Variants in MFHAS1 observed in about 807,000 individuals in gnomAD.
MFHAS1 encodes the protein malignant fibrous histiocytoma-amplified sequence 1.
A neutral mutation model predicts 70.4 loss-of-function variants in MFHAS1; 50 were observed. The ratio of observed to expected loss-of-function variants is 0.71; its 90% CI spans 0.57 to 0.90. The LOEUF is 0.90. Ranked by LOEUF, MFHAS1 falls within the 40% of genes least tolerant of loss-of-function variation. MFHAS1 has a pLI of 0.00. For synonymous variants in MFHAS1, 952 were observed against 620.0 expected, an observed-to-expected ratio of 1.54 and a Z score of -7.96; for missense variants, 1,795 against 1,347.6, an observed-to-expected ratio of 1.33 and a Z score of -5.20.
intron 1 of MFHAS1, among the ~76,000 whole-genome samples, chr8:8,886,953 C>G (rs1252006117): frequency 1.3e-5 from 2 of 152,114 alleles, no homozygotes. Context: ...TGGCGAAACC[C>G]CCGCCTCTAC....
intron 1 of MFHAS1, among the ~76,000 whole-genome samples, chr8:8,832,059 C>T (rs1166501424): frequency 3.2e-5 from 3 of 92,852 alleles, no homozygotes; most frequent in South Asian, 3.1e-4. Flanking sequence ...CGCGCGCGCG[C>T]GCGCACACAC....
chr8:8,862,685 C>T (rs1341742513), intron 1 of MFHAS1, among the ~76,000 whole-genome samples: 1 of 152,132 alleles, frequency 6.6e-6, no homozygotes, highest in Non-Finnish European at 1.5e-5. Context: ...ACTCATAGAA[C>T]ACTAAGAGTG....
chr8:8,875,829 C>T (rs1216500097), intron 1 of MFHAS1, among the ~76,000 whole-genome samples: 4 of 152,120 alleles, frequency 2.6e-5, no homozygotes, highest in Non-Finnish European at 5.9e-5. Flanking sequence ...CCTCGTGATC[C>T]GCCCGCCTCG....
In MFHAS1 at chr8:8,834,643, A is replaced by G. The variant is rs75216613; in HGVS notation, c.2999-37152T>C. ...AGGTGCATAATAGGTTGTAACATGT[A>G]AGTTATGTGGGTCCACTCTATGATG... On this transcript the variant is annotated intron_variant, in intron 1 of 2. Coordinates refer to ENST00000276282, the MANE Select transcript of MFHAS1 (RefSeq NM_004225.3). Among the ~76,000 whole-genome samples, 3 of 152,344 alleles carry G rather than the reference A, an allele frequency of 2.0e-5. No individual in the cohort carries two copies. In the East Asian group the frequency reaches 5.8e-4, roughly 29 times the overall value.
At chr8:8,840,406 G>C (rs908537225) in intron 1 of MFHAS1, among the ~76,000 whole-genome samples, 1 of 148,602 alleles carries the variant, frequency 6.7e-6, no homozygotes, top group Non-Finnish European at 1.5e-5. Flanking sequence ...GCAGTGAGCC[G>C]AGATTGTGCC....
rs189034234 is a variant in MFHAS1, at chr8:8,792,490, C to G, written c.3125+4875G>C. 1.4e-3 allele frequency among the ~76,000 whole-genome samples: 212 copies of G among 152,120 alleles called. 1 individual carries two copies. The highest frequency in any genetic ancestry group is 5.0e-3 in the African/African-American group (208 of 41,494). ...GTGCAGTGGCGTGTGCCTATAATCC[C>G]AGCTACTCTGGAGGCTGAGGCAGAA... On this transcript the variant is annotated intron_variant, in intron 2 of 2. Transcript: ENST00000276282.
chr8:8,892,528 G>A lies in MFHAS1; in HGVS notation c.531C>T (p.Leu177=). The A allele has an allele frequency of 6.3e-7, 1 of 1,596,356 alleles. No individual in the cohort carries two copies. Among genetic ancestry groups the A allele is most frequent in the Non-Finnish European group, 8.5e-7 (1 of 1,171,778 alleles). The change falls in exon 1 of 3, where the codon CTC becomes CTT. Residue 177 remains leucine (L), a synonymous_variant. Coordinates refer to ENST00000276282, the MANE Select transcript of MFHAS1 (RefSeq NM_004225.3). This position sits in a 1 kb window ranked among gnomAD's most constrained non-coding sequence, Gnocchi z 4.7. ...GGGTGCGCAGGCGGGAGAGGCAGGA[G>A]AGGGAGTCAGGCAGGTGCGCCAGCC... ...FNRLAHLPDS[L]SCLSRLRTLD... is the part of the protein sequence containing the mutation.
At position 8,890,394 on chromosome 8, in the gene MFHAS1, T is replaced by C. The variant is rs747453500; in HGVS notation, c.2665A>G (p.Thr889Ala). 3.7e-6 allele frequency: 6 copies of C among 1,613,858 alleles called. No homozygotes were observed. The African/African-American group carries it at 5.3e-5, about 14-fold the overall frequency. ...QLQIEYSFPFTFPLGLFARYS... is the reference protein window; with the variant it reads ...QLQIEYSFPFAFPLGLFARYS... ...CGTGCAAACAACCCAAGTGGAAAAGTAAAAGGAAAGCTATATTCAATCTGC... is the reference window on the plus strand; with the variant it reads ...CGTGCAAACAACCCAAGTGGAAAAGCAAAAGGAAAGCTATATTCAATCTGC... Residue 889 changes from threonine to alanine, a missense_variant, in exon 1 of 3, where the codon ACT becomes GCT. Physicochemically the swap from Thr to Ala is moderately conservative, Grantham distance 58. Coordinates refer to ENST00000276282, the MANE Select transcript of MFHAS1 (RefSeq NM_004225.3).
chr8:8,804,780 G>A (rs896965252), intron 1 of MFHAS1, among the ~76,000 whole-genome samples: 7 of 152,190 alleles, frequency 4.6e-5, no homozygotes, highest in African/African-American at 1.4e-4. Flanking sequence ...CAGGGAAGCC[G>A]TGCCAGGCCC....
intron 1 of MFHAS1, among the ~76,000 whole-genome samples, chr8:8,885,514 C>T (rs1405520910): frequency 6.6e-6 from 1 of 152,104 alleles, no homozygotes; most frequent in African/African-American, 2.4e-5. Flanking sequence ...TTCAAGAGTA[C>T]CAACTCTTTG....
chr8:8,810,253 C>G (rs1474359225), intron 1 of MFHAS1, among the ~76,000 whole-genome samples: 4 of 152,206 alleles, frequency 2.6e-5, no homozygotes, highest in Non-Finnish European at 4.4e-5. Context: ...GTAATCTCAA[C>G]TACTCAGGAG....
Position 8,891,138 on chromosome 8 carries a change from T to G in MFHAS1, c.1921A>C (p.Lys641Gln). 1 of 1,613,716 alleles carries G rather than the reference T, an allele frequency of 6.2e-7. No homozygotes were observed. The highest frequency in any genetic ancestry group is 8.5e-7 in the Non-Finnish European group (1 of 1,180,000). ...CGGTGCTCAGCAACTGACAGCAACTTGTCCCGAAGGCGTCGTAAGTGGCGC... is the reference window on the plus strand; with the variant it reads ...CGGTGCTCAGCAACTGACAGCAACTGGTCCCGAAGGCGTCGTAAGTGGCGC... ...DPRHLRRLRD[K>Q]LLSVAEHREI... The change falls in exon 1 of 3, where the codon AAG (lysine) becomes CAG (glutamine). Residue 641 changes from lysine (K) to glutamine (Q), a missense_variant. Lys to Gln is a moderately conservative substitution (Grantham distance 53, BLOSUM62 1). Coordinates refer to ENST00000276282, the MANE Select transcript of MFHAS1 (RefSeq NM_004225.3). This position sits in a 1 kb window ranked among gnomAD's most constrained non-coding sequence, Gnocchi z 5.4.
intron 1 of MFHAS1, among the ~76,000 whole-genome samples, chr8:8,831,184 C>T (rs1367584117): frequency 3.3e-5 from 5 of 151,920 alleles, no homozygotes; most frequent in African/African-American, 4.8e-5. Flanking sequence ...ACTAACCCCA[C>T]TGAATCAGCA....
chr8:8,826,252 G>GTGTGTA (rs1807157133), intron 1 of MFHAS1, among the ~76,000 whole-genome samples: 4 of 147,108 alleles, frequency 2.7e-5, no homozygotes, highest in East Asian at 2.0e-4. Context: ...CAAAGAGTGT[G>GTGTGTA]TGTGTGTGTG....
chr8:8,846,163 G>A (rs868370760), intron 1 of MFHAS1, among the ~76,000 whole-genome samples: 3 of 149,210 alleles, frequency 2.0e-5, no homozygotes, highest in Non-Finnish European at 4.4e-5. Flanking sequence ...TGAGGCAGGA[G>A]AATCGCTCGA....
At chr8:8,808,217 C>G (rs1311730100) in intron 1 of MFHAS1, among the ~76,000 whole-genome samples, 1 of 150,982 alleles carries the variant, frequency 6.6e-6, no homozygotes, top group African/African-American at 2.4e-5. Context: ...ACTGTAGACG[C>G]TCCCCTGGGA....
intron 1 of MFHAS1, among the ~76,000 whole-genome samples, chr8:8,827,326 C>T (rs1025683823): frequency 2.8e-4 from 43 of 152,282 alleles, no homozygotes; most frequent in African/African-American, 9.1e-4. Flanking sequence ...TCTAAGAATA[C>T]GAACCTTTTA....
At chr8:8,790,560 A>T (rs927777517) in intron 2 of MFHAS1, 35 of 173,758 alleles carry the variant, frequency 2.0e-4, no homozygotes, top group Admixed American at 3.3e-4. Context: ...CTTGCATAGA[A>T]CAAAACAAAT....
At chr8:8,794,984 G>T (rs912606222) in intron 2 of MFHAS1, among the ~76,000 whole-genome samples, 7 of 152,158 alleles carry the variant, frequency 4.6e-5, no homozygotes, top group Admixed American at 1.3e-4. Flanking sequence ...TGATAAAGCT[G>T]GCTTGGTGCC....
Sources: allele counts gnomAD v4.1 joint callset (sites outside exome capture counted in the v4.1 genomes callset), GRCh38; gene constraint gnomAD v4.1.1; non-coding constraint Gnocchi (gnomAD v3.1); transcripts MANE v1.5; gene names NCBI Gene and HGNC (gene_info 2026-07-23, HGNC 2026-07-21).